Variants in TENM1 observed in about 807,000 individuals in gnomAD.
The protein encoded by TENM1 is teneurin transmembrane protein 1.
In TENM1, 35 loss-of-function variants were observed where a neutral mutation model predicts 174.8. The observed-to-expected ratio is 0.20, with a 90% confidence interval of 0.15 to 0.27. The LOEUF (loss-of-function observed/expected upper bound fraction) is 0.27, where lower values mean the gene tolerates loss of function less well. TENM1 is among the 10% of genes least tolerant of loss of function. TENM1 has a pLI of 1.00. For missense variants in TENM1, 1,633 were observed against 2,130.1 expected, an observed-to-expected ratio of 0.77 and a Z score of 4.59; for synonymous variants, 781 against 798.7, an observed-to-expected ratio of 0.98 and a Z score of 0.37.
intron 5 of TENM1, among the ~76,000 whole-genome samples, chrX:124,684,871 AC>A (rs906697342): frequency 1.8e-5 from 2 of 111,086 alleles, no homozygotes; most frequent in African/African-American, 3.3e-5. Flanking sequence ...GCACTGGTGA[AC>A]CCAAGCTCCA....
chrX:125,077,808 A>T, the TENM1 span, among the ~76,000 whole-genome samples: 1 of 111,788 alleles, frequency 8.9e-6, no homozygotes, highest in Non-Finnish European at 1.9e-5. Context: ...CATCCCACTT[A>T]TGTCCAAGGT....
chrX:124,514,347 G>A (rs1319095573), intron 18 of TENM1, among the ~76,000 whole-genome samples: 2 of 110,749 alleles, frequency 1.8e-5, no homozygotes, highest in East Asian at 5.7e-4. Context: ...CCCAACTGGG[G>A]TCTAAGGAAG....
intron 1 of TENM1, among the ~76,000 whole-genome samples, chrX:124,902,828 T>G (rs1248057224): frequency 2.7e-5 from 3 of 112,537 alleles, no homozygotes; most frequent in African/African-American, 9.7e-5. Flanking sequence ...AATTTCCTCC[T>G]TTCTTCATGA....
the TENM1 span, among the ~76,000 whole-genome samples, chrX:125,128,117 T>A: frequency 8.9e-6 from 1 of 111,778 alleles, no homozygotes; most frequent in South Asian, 3.7e-4. Flanking sequence ...CTTCCTTCCT[T>A]TTTTCTTTCC....
chrX:124,859,641 T>C (rs2056877668), intron 3 of TENM1, among the ~76,000 whole-genome samples: 2 of 111,104 alleles, frequency 1.8e-5, no homozygotes, highest in Non-Finnish European at 3.8e-5. Flanking sequence ...ACATTTTAGG[T>C]TTTGCAAAAT....
chrX:125,024,193 C>T, the TENM1 span, among the ~76,000 whole-genome samples: 1 of 111,069 alleles, frequency 9.0e-6, no homozygotes, highest in Non-Finnish European at 1.9e-5. Context: ...AACTACCATT[C>T]AATCAAGCAA....
At chrX:124,717,487 A>G (rs986482433) in intron 4 of TENM1, among the ~76,000 whole-genome samples, 4 of 111,842 alleles carry the variant, frequency 3.6e-5, no homozygotes, top group Non-Finnish European at 7.5e-5. Context: ...ATTATAGGGG[A>G]ACAGACAAAG....
At chrX:124,909,880 T>C (rs1253050740) in intron 1 of TENM1, among the ~76,000 whole-genome samples, 1 of 112,264 alleles carries the variant, frequency 8.9e-6, no homozygotes, top group Admixed American at 9.4e-5. Context: ...TACTTCAGCA[T>C]GTTATCACCC....
At chrX:124,970,958 A>G in the TENM1 span, among the ~76,000 whole-genome samples, 1 of 109,912 alleles carries the variant, frequency 9.1e-6, no homozygotes, top group Admixed American at 9.8e-5. Context: ...ATGCAGCCAT[A>G]AAAAAGGATG....
chrX:125,200,961 A>C, the TENM1 span, among the ~76,000 whole-genome samples: 2 of 111,846 alleles, frequency 1.8e-5, no homozygotes, highest in African/African-American at 6.5e-5. Context: ...TCTATCTCTA[A>C]CATAGAATAT....
chrX:124,979,154 G>A, the TENM1 span, among the ~76,000 whole-genome samples: 4 of 112,881 alleles, frequency 3.5e-5, no homozygotes, highest in East Asian at 1.1e-3. Flanking sequence ...AGTTGAAGGT[G>A]GGGATCATGA....
At chrX:124,700,063 T>G (rs2052741109) in intron 5 of TENM1, among the ~76,000 whole-genome samples, 1 of 112,311 alleles carries the variant, frequency 8.9e-6, no homozygotes, top group South Asian at 3.6e-4. Flanking sequence ...TTTTAGCATT[T>G]TATGCTGAGT....
chrX:124,852,739 C>T (rs1352636858), intron 3 of TENM1, among the ~76,000 whole-genome samples: 1 of 110,998 alleles, frequency 9.0e-6, no homozygotes, highest in Non-Finnish European at 1.9e-5. Context: ...GATGATACTT[C>T]TCAGAAAAAG....
At chrX:124,865,062 C>T (rs1435695284) in intron 3 of TENM1, among the ~76,000 whole-genome samples, 2 of 111,434 alleles carry the variant, frequency 1.8e-5, no homozygotes, top group African/African-American at 6.5e-5. Context: ...CCCAGACTAA[C>T]AAAACCTGAG....
chrX:125,003,297 T>C, the TENM1 span, among the ~76,000 whole-genome samples: 1 of 111,712 alleles, frequency 9.0e-6, no homozygotes, highest in Non-Finnish European at 1.9e-5. Context: ...ATCAACAAAA[T>C]GGTCCTCTTC....
chrX:124,730,534 T>C (rs1225466817), intron 4 of TENM1, among the ~76,000 whole-genome samples: 1 of 109,704 alleles, frequency 9.1e-6, no homozygotes, highest in Non-Finnish European at 1.9e-5. Context: ...GATTGGAGAG[T>C]CTATAATAAG....
intron 27 of TENM1, among the ~76,000 whole-genome samples, chrX:124,404,678 G>C (rs2060442079): frequency 9.0e-6 from 1 of 111,357 alleles, no homozygotes; most frequent in African/African-American, 3.3e-5. Flanking sequence ...CAGTGAACCT[G>C]ATAGACATCT....
intron 11 of TENM1, among the ~76,000 whole-genome samples, chrX:124,592,965 C>G (rs759357029): frequency 9.0e-6 from 1 of 110,969 alleles, no homozygotes; most frequent in East Asian, 2.8e-4. Context: ...GCTAATGTGG[C>G]TGCATATATA....
chrX:124,394,951 G>A (rs773254430), intron 27 of TENM1, among the ~76,000 whole-genome samples: 1 of 111,715 alleles, frequency 9.0e-6, no homozygotes, highest in African/African-American at 3.3e-5. Flanking sequence ...CATATTGCAT[G>A]TTTTGCTGAA....
Sources: allele counts gnomAD v4.1 joint callset (sites outside exome capture counted in the v4.1 genomes callset), GRCh38; gene constraint gnomAD v4.1.1; transcripts MANE v1.5; gene names NCBI Gene and HGNC (gene_info 2026-07-23, HGNC 2026-07-21).